Variants in PPP1R14C observed in about 807,000 individuals in gnomAD.
PPP1R14C encodes the protein protein phosphatase 1 regulatory subunit 14C.
PPP1R14C carries 16 observed loss-of-function variants against 20.4 expected under a neutral mutation model. The ratio of observed to expected loss-of-function variants is 0.78; its 90% CI spans 0.53 to 1.19. The LOEUF is 1.19. PPP1R14C is among the 50% of genes most tolerant of loss of function. PPP1R14C has a pLI of 0.00. For synonymous variants in PPP1R14C, 91 were observed against 91.0 expected, an observed-to-expected ratio of 1.00 and a Z score of 0.00; for missense variants, 211 against 220.1, an observed-to-expected ratio of 0.96 and a Z score of 0.26.
At chr6:150,235,846 G>A (rs185680764) in intron 3 of PPP1R14C, among the ~76,000 whole-genome samples, 12 of 152,294 alleles carry the variant, frequency 7.9e-5, no homozygotes, top group Admixed American at 2.0e-4. Context: ...GGAGGAAAAG[G>A]TTCGTCGTAC....
intron 3 of PPP1R14C, among the ~76,000 whole-genome samples, chr6:150,233,694 C>G (rs956518294): frequency 6.6e-6 from 1 of 152,198 alleles, no homozygotes; most frequent in Non-Finnish European, 1.5e-5. Context: ...TGGCCAGGCA[C>G]TTTCGGACTG....
intron 1 of PPP1R14C, among the ~76,000 whole-genome samples, chr6:150,152,562 C>T (rs904206085): frequency 6.6e-6 from 1 of 152,134 alleles, no homozygotes; most frequent in East Asian, 1.9e-4. Context: ...GCAGGAGCCC[C>T]TCTGCCATAA....
chr6:150,249,094 A>G lies in PPP1R14C; in HGVS notation c.*274A>G. On this transcript the variant is annotated 3_prime_UTR_variant, in exon 4 of 4. Transcript: ENST00000361131. ...CCAAGGATTATCAAAGGAGGTGGAC[A>G]CTCAAGGAAGGGCCACGCCAGGCTG... is the stretch of plus-strand genomic sequence containing the variant. 1 of 418,962 alleles carries G rather than the reference A, an allele frequency of 2.4e-6. No individual in the cohort carries two copies. The highest frequency in any genetic ancestry group is 4.2e-6 in the Non-Finnish European group (1 of 238,380). The allele number at this position is 418,962 out of a possible 1,614,324, so 26.0% of individuals were successfully genotyped here. A position where few individuals can be genotyped will look rare whatever the true frequency, so the allele number is the denominator to read the frequency against.
At chr6:150,231,631 C>T (rs1778297529) in intron 3 of PPP1R14C, among the ~76,000 whole-genome samples, 1 of 152,202 alleles carries the variant, frequency 6.6e-6, no homozygotes, top group Non-Finnish European at 1.5e-5. Context: ...TATGCACTCA[C>T]TATGCTAGGA....
At position 150,243,515 on chromosome 6, in the gene PPP1R14C, C is replaced by T. The variant is rs1778457219; in HGVS notation, c.424-5231C>T. On this transcript the variant is annotated intron_variant, in intron 3 of 3. Transcript: ENST00000361131. The stretch of plus-strand genomic sequence containing the variant: ...AGGAAATTTAAAGGACCTAGAATAG[C>T]CAAAACAATTTTGAGAAAGATCAAC... Among the ~76,000 whole-genome samples, 4 of 152,184 alleles carry T rather than the reference C, an allele frequency of 2.6e-5. No individual in the cohort carries two copies. In the South Asian group the frequency reaches 8.3e-4, roughly 32 times the overall value.
At position 150,202,145 on chromosome 6, in the gene PPP1R14C, G is replaced by A. The variant is rs138040549; in HGVS notation, c.307-12599G>A. On this transcript the variant is annotated intron_variant, in intron 1 of 3. Coordinates refer to ENST00000361131, the MANE Select transcript of PPP1R14C (RefSeq NM_030949.3). ...TGAGCTCCTCTCTCGCCTCTCTGCT[G>A]TGTGGTGTGAGGAAGGTAGTGCAAG... Among the ~76,000 whole-genome samples, 575 of 152,290 alleles carry A rather than the reference G, an allele frequency of 3.8e-3. 5 individuals carry two copies. Among genetic ancestry groups the A allele is most frequent in the African/African-American group, 0.013 (553 of 41,564 alleles).
intron 1 of PPP1R14C, among the ~76,000 whole-genome samples, chr6:150,169,172 C>T (rs1418006973): frequency 2.0e-5 from 3 of 152,194 alleles, no homozygotes; most frequent in African/African-American, 7.2e-5. Flanking sequence ...CCACCGTGCC[C>T]AGCCTCAATA....
At chr6:150,153,120 T>C (rs1777269507) in intron 1 of PPP1R14C, among the ~76,000 whole-genome samples, 1 of 152,244 alleles carries the variant, frequency 6.6e-6, no homozygotes, top group Non-Finnish European at 1.5e-5. Flanking sequence ...CCTCTAGAAC[T>C]GTGAGACAGA....
intron 1 of PPP1R14C, among the ~76,000 whole-genome samples, chr6:150,204,811 CTG>C (rs1777923859): frequency 6.6e-6 from 1 of 152,176 alleles, no homozygotes; most frequent in Non-Finnish European, 1.5e-5. Context: ...GGGACCGACT[CTG>C]TGCTGAGAAG....
rs539375367 is a variant in PPP1R14C at position 150,173,877 on chromosome 6, C to T, written c.306+30379C>T. Reference sequence around the variant, plus strand: ...AGGATAGCCTCGTGAGTTCTGCTCACGCCATTCCCAGGATCCCCCATCCTC... The same window carrying T: ...AGGATAGCCTCGTGAGTTCTGCTCATGCCATTCCCAGGATCCCCCATCCTC... On this transcript the variant is annotated intron_variant, in intron 1 of 3. Transcript: ENST00000361131. Among the ~76,000 whole-genome samples, 8 of 152,104 alleles carry T rather than the reference C, an allele frequency of 5.3e-5. No homozygotes were observed. The East Asian group carries it at 9.7e-4, about 18-fold the overall frequency.
At chr6:150,151,910 G>A (rs1282410107) in intron 1 of PPP1R14C, among the ~76,000 whole-genome samples, 1 of 152,006 alleles carries the variant, frequency 6.6e-6, no homozygotes, top group Admixed American at 6.6e-5. Context: ...CACGAGGTCA[G>A]GAGATCGAGA....
intron 1 of PPP1R14C, among the ~76,000 whole-genome samples, chr6:150,190,527 A>C (rs998504714): frequency 4.0e-5 from 6 of 151,752 alleles, no homozygotes; most frequent in Admixed American, 1.3e-4. Flanking sequence ...CCCAGGTTCA[A>C]GCGATTCTCC....
At chr6:150,247,385 T>C (rs910398373) in intron 3 of PPP1R14C, among the ~76,000 whole-genome samples, 5 of 152,314 alleles carry the variant, frequency 3.3e-5, no homozygotes, top group Middle Eastern at 3.4e-3. Flanking sequence ...CTAATAAATA[T>C]GACTTATCTG....
intron 1 of PPP1R14C, chr6:150,194,898 T>G: frequency 1.0e-6 from 1 of 985,454 alleles, no homozygotes. Context: ...AAAGGTGAGA[T>G]TGACTCAGTT....
At chr6:150,195,160 T>C in intron 1 of PPP1R14C, 2 of 984,798 alleles carry the variant, frequency 2.0e-6, no homozygotes, top group Non-Finnish European at 2.4e-6. Context: ...AAATGAGTTT[T>C]ATGGTAGTTT....
At chr6:150,177,489 G>T (rs1255327179) in intron 1 of PPP1R14C, among the ~76,000 whole-genome samples, 1 of 152,188 alleles carries the variant, frequency 6.6e-6, no homozygotes, top group Non-Finnish European at 1.5e-5. Flanking sequence ...TGTGTAGCAC[G>T]TTCTCAGGCC....
At chr6:150,203,251 A>G (rs1777900393) in intron 1 of PPP1R14C, among the ~76,000 whole-genome samples, 1 of 152,134 alleles carries the variant, frequency 6.6e-6, no homozygotes, top group Non-Finnish European at 1.5e-5. Context: ...GCAATCCCTG[A>G]TGGTTTTACT....
At chr6:150,153,590 C>A (rs1198501978) in intron 1 of PPP1R14C, among the ~76,000 whole-genome samples, 1 of 152,190 alleles carries the variant, frequency 6.6e-6, no homozygotes, top group Non-Finnish European at 1.5e-5. Flanking sequence ...CAGGCTCACA[C>A]AAGTCTTCAC....
intron 1 of PPP1R14C, among the ~76,000 whole-genome samples, chr6:150,190,509 C>T (rs1396389401): frequency 6.6e-6 from 1 of 151,564 alleles, no homozygotes; most frequent in Non-Finnish European, 1.5e-5. Context: ...TCACTGTAAC[C>T]TCCGCCTCCC....
Sources: gnomAD v4.1 joint callset for allele counts (sites outside exome capture counted in the v4.1 genomes callset) on GRCh38, gnomAD v4.1.1 for gene constraint, MANE v1.5 for transcripts, NCBI Gene and HGNC (gene_info 2026-07-23, HGNC 2026-07-21) for gene names.